The following CDH13 variants were observed in gnomAD, a reference collection of about 807,000 sequenced individuals.
CDH13 encodes cadherin-13.
CDH13 carries 24 observed loss-of-function variants against 63.8 expected under a neutral mutation model. The observed-to-expected ratio is 0.38, with a 90% CI of 0.27 to 0.53. The LOEUF is 0.53. Among genes scored for constraint, CDH13 ranks in the 20% least tolerant of loss-of-function variants. The probability of loss-of-function intolerance (pLI) is 0.85; values close to 1 mark genes in which losing one functional copy is unlikely to be tolerated. For missense variants in CDH13, 1,049 were observed against 903.1 expected (o/e 1.16, Z -2.07); for synonymous variants, 503 against 355.3 (o/e 1.42, Z -4.67).
intron 2 of CDH13, among the ~76,000 whole-genome samples, chr16:82,878,516 TCTCTAAACACA>T (rs2040582797): frequency 2.1e-5 from 2 of 93,116 alleles, no homozygotes; most frequent in South Asian, 5.4e-4. Context: ...AAGAATTCCC[TCTCTAAACACA>T]CTCTAAACAC....
At chr16:83,510,959 T>A (rs968063877) in intron 7 of CDH13, among the ~76,000 whole-genome samples, 1 of 152,238 alleles carries the variant, frequency 6.6e-6, no homozygotes, top group African/African-American at 2.4e-5. Flanking sequence ...ATGCCTATTC[T>A]GTCATGTAAG....
intron 2 of CDH13, among the ~76,000 whole-genome samples, chr16:82,881,954 C>G (rs2040718109): frequency 6.6e-6 from 1 of 152,156 alleles, no homozygotes; most frequent in South Asian, 2.1e-4. Flanking sequence ...AGTACTAATT[C>G]CTGTCTTTCA....
intron 1 of CDH13, among the ~76,000 whole-genome samples, chr16:82,771,921 A>C (rs899619743): frequency 6.6e-6 from 1 of 152,210 alleles, no homozygotes; most frequent in Non-Finnish European, 1.5e-5. Context: ...AGGCAACTTG[A>C]GTATTTATAA....
chr16:83,535,606 G>A (rs183426511), intron 7 of CDH13, among the ~76,000 whole-genome samples: 1 of 152,294 alleles, frequency 6.6e-6, no homozygotes, highest in Admixed American at 6.5e-5. Context: ...CTCAACATGG[G>A]GAAGGTGTTA....
intron 6 of CDH13, among the ~76,000 whole-genome samples, chr16:83,426,509 T>TCACACACACACACACA: frequency 1.4e-5 from 2 of 146,606 alleles, no homozygotes; most frequent in African/African-American, 5.1e-5. Flanking sequence ...ATGGAAACAA[T>TCACACACACACACACA]CACACACACA....
chr16:82,747,758 T>A (rs981402105), intron 1 of CDH13, among the ~76,000 whole-genome samples: 1 of 152,248 alleles, frequency 6.6e-6, no homozygotes, highest in Non-Finnish European at 1.5e-5. Context: ...GTCTGCATAA[T>A]GCGAATGTTG....
intron 3 of CDH13, among the ~76,000 whole-genome samples, chr16:83,111,039 T>G (rs927728240): frequency 1.0e-4 from 14 of 137,098 alleles, no homozygotes; most frequent in African/African-American, 3.0e-4. Context: ...GGGCGTGGTG[T>G]CGGGTGCCTG....
chr16:83,257,147 T>G (rs947957669), intron 5 of CDH13, among the ~76,000 whole-genome samples: 2 of 152,058 alleles, frequency 1.3e-5, no homozygotes, highest in African/African-American at 4.8e-5. Flanking sequence ...GAAGGTTTCT[T>G]TGAAGAAGTA....
intron 5 of CDH13, among the ~76,000 whole-genome samples, chr16:83,240,895 A>C (rs942015959): frequency 6.6e-6 from 1 of 152,080 alleles, no homozygotes; most frequent in Non-Finnish European, 1.5e-5. Flanking sequence ...GTAAAGTAGC[A>C]TTAAGTCCAC....
chr16:83,501,574 G>T (rs1257555019), intron 7 of CDH13, among the ~76,000 whole-genome samples: 2 of 152,166 alleles, frequency 1.3e-5, no homozygotes, highest in African/African-American at 4.8e-5. Context: ...TTTTCATCCA[G>T]GCATTACATT....
chr16:83,472,178 C>T lies in CDH13; in HGVS notation c.782-14299C>T, dbSNP rs548082940. Among the ~76,000 whole-genome samples the T allele has an allele frequency of 2.6e-5, 4 of 152,292 alleles. No homozygotes were observed. The East Asian group carries it at 7.7e-4, about 29-fold the overall frequency. Reference sequence around the variant, plus strand: ...ACTGTCCCCACTTAGTACCGTTATACCTCAGGCTCACTGTTGTCCAGAGTG... The same window carrying T: ...ACTGTCCCCACTTAGTACCGTTATATCTCAGGCTCACTGTTGTCCAGAGTG... On this transcript the variant is annotated intron_variant, in intron 6 of 13. Coordinates refer to ENST00000567109, the MANE Select transcript of CDH13 (RefSeq NM_001257.5).
intron 8 of CDH13, among the ~76,000 whole-genome samples, chr16:83,618,020 G>A (rs1909440349): frequency 6.6e-6 from 1 of 152,138 alleles, no homozygotes; most frequent in African/African-American, 2.4e-5. Context: ...ATCTGCTGTG[G>A]TCCCGCACCC....
intron 3 of CDH13, among the ~76,000 whole-genome samples, chr16:83,123,277 ATTTTCTTT>A (rs1200412346): frequency 6.6e-6 from 1 of 151,170 alleles, no homozygotes; most frequent in Non-Finnish European, 1.5e-5. Context: ...TATATCCCAC[ATTTTCTTT>A]TTTTCTTTTT....
chr16:83,026,748 C>G (rs1455803941), intron 2 of CDH13, among the ~76,000 whole-genome samples: 3 of 152,130 alleles, frequency 2.0e-5, no homozygotes, highest in South Asian at 4.2e-4. Flanking sequence ...TCAGGGACCA[C>G]TCAATAAATA....
chr16:82,877,848 G>T (rs1385279125), intron 2 of CDH13, among the ~76,000 whole-genome samples: 1 of 149,388 alleles, frequency 6.7e-6, no homozygotes, highest in Non-Finnish European at 1.5e-5. Flanking sequence ...GGCCAGGGAA[G>T]ACCTGAACCT....
chr16:83,072,629 TAGGTGTTCTGGGTCC>T (rs891268026), intron 3 of CDH13, among the ~76,000 whole-genome samples: 8 of 152,204 alleles, frequency 5.3e-5, no homozygotes, highest in African/African-American at 1.9e-4. Flanking sequence ...TGTGTGATCT[TAGGTGTTCTGGGTCC>T]CATTTGGGAA....
intron 6 of CDH13, among the ~76,000 whole-genome samples, chr16:83,475,710 T>C (rs974657241): frequency 6.6e-6 from 1 of 152,158 alleles, no homozygotes; most frequent in Admixed American, 6.5e-5. Context: ...GCCTCCCCAG[T>C]AACTAGGATT....
rs201622114 is a variant in CDH13 at position 83,217,382 on chromosome 16, G to A, written c.521G>A (p.Arg174Gln). The A allele has an allele frequency of 3.0e-5, 49 of 1,613,706 alleles. No individual in the cohort carries two copies. The highest frequency in any genetic ancestry group is 1.4e-4 in the South Asian group (13 of 91,082). Residue 174 changes from arginine (R) to glutamine (Q), a missense_variant, in exon 5 of 14, where the codon CGG becomes CAG. Arg to Gln is a conservative substitution (Grantham distance 43). Transcript: ENST00000567109. ...DSDRPERSKF[R>Q]LTGKGVDQEP... ...GACAGGCCAGAAAGGTCCAAGTTCC[G>A]GCTCACTGGAAAGGGAGTGGATCAA...
intron 7 of CDH13, among the ~76,000 whole-genome samples, chr16:83,532,848 T>C (rs1333011592): frequency 1.3e-5 from 2 of 152,214 alleles, no homozygotes; most frequent in Non-Finnish European, 2.9e-5. Context: ...CCATGCGTTG[T>C]GCCAACATCC....
Sources: allele counts gnomAD v4.1 joint callset (sites outside exome capture counted in the v4.1 genomes callset), GRCh38; gene constraint gnomAD v4.1.1; transcripts MANE v1.5; gene names NCBI Gene and HGNC (gene_info 2026-07-23, HGNC 2026-07-21).